Variants in LHCGR observed in about 807,000 individuals in gnomAD.
LHCGR encodes luteinizing hormone/choriogonadotropin receptor.
A neutral mutation model predicts 60.7 loss-of-function variants in LHCGR; 55 were observed. The observed-to-expected ratio is 0.91, with a 90% CI of 0.73 to 1.13. LHCGR has a LOEUF of 1.13. Among genes scored for constraint, LHCGR ranks in the 50% most tolerant of loss-of-function variants. The pLI is 0.00. For missense variants in LHCGR, 862 were observed against 836.0 expected (o/e 1.03, Z -0.38); for synonymous variants, 337 against 316.5 (o/e 1.06, Z -0.69).
intron 1 of LHCGR, among the ~76,000 whole-genome samples, chr2:48,752,615 C>G (rs1210384391): frequency 6.6e-6 from 1 of 151,782 alleles, no homozygotes; most frequent in Admixed American, 6.6e-5. Flanking sequence ...ATGCATTCAT[C>G]ATCAAGAAAA....
chr2:48,728,307 G>T (rs981970338), intron 3 of LHCGR, among the ~76,000 whole-genome samples: 1 of 152,072 alleles, frequency 6.6e-6, no homozygotes, highest in African/African-American at 2.4e-5. Flanking sequence ...TAGCTGTGAG[G>T]ATTAAATGAC....
chr2:48,728,544 A>G (rs4596023), intron 3 of LHCGR, among the ~76,000 whole-genome samples: 117,859 of 152,098 alleles, frequency 0.77, 46,032 homozygotes, highest in African/African-American at 0.88. Context: ...TGTCAGGCAA[A>G]TAGGTTAACC....
chr2:48,727,313 G>A (rs1286652358), intron 3 of LHCGR, among the ~76,000 whole-genome samples: 1 of 152,076 alleles, frequency 6.6e-6, no homozygotes, highest in African/African-American at 2.4e-5. Context: ...CCTGACCTTA[G>A]CCCAGTCATT....
At chr2:48,723,419 G>A (rs1668585575) in intron 6 of LHCGR, 37 bp downstream of exon 6, 1 of 1,394,954 alleles carries the variant, frequency 7.2e-7, no homozygotes, top group Non-Finnish European at 1.0e-6. Context: ...CTAGCAGGAG[G>A]CTGTATGGCA....
At chr2:48,744,505 C>A (rs1367410210) in intron 1 of LHCGR, among the ~76,000 whole-genome samples, 2 of 103,948 alleles carry the variant, frequency 1.9e-5, no homozygotes, top group Admixed American at 2.2e-4. Context: ...AGATATAGAT[C>A]AATGGAACAG....
At position 48,712,418 on chromosome 2, in the gene LHCGR, C is replaced by T. The variant is rs983460987; in HGVS notation, c.605+1568G>A. ...TAATGGAATGAGGCATCTGAGAGAA[C>T]TGTGCCAGGAGATGATATAAATGCC... On this transcript the variant is annotated intron_variant, in intron 7 of 10. Coordinates refer to ENST00000294954, the MANE Select transcript of LHCGR (RefSeq NM_000233.4). Among the ~76,000 whole-genome samples the T allele has an allele frequency of 9.2e-5, 14 of 152,200 alleles. No individual in the cohort carries two copies. The East Asian group carries it at 2.7e-3, about 29-fold the overall frequency.
intron 10 of LHCGR, among the ~76,000 whole-genome samples, chr2:48,691,119 T>C (rs79212904): frequency 0.037 from 5,626 of 152,328 alleles, 137 homozygotes; most frequent in Non-Finnish European, 0.056. Flanking sequence ...ATTACATATA[T>C]GTATTTATAA....
At chr2:48,744,916 A>C (rs939003620) in intron 1 of LHCGR, among the ~76,000 whole-genome samples, 17 of 152,126 alleles carry the variant, frequency 1.1e-4, no homozygotes, top group African/African-American at 3.6e-4. Flanking sequence ...GCAACCTACA[A>C]AATGGGAGAA....
chr2:48,738,039 C>G (rs898295211), intron 1 of LHCGR, among the ~76,000 whole-genome samples: 12 of 152,198 alleles, frequency 7.9e-5, no homozygotes, highest in African/African-American at 2.9e-4. Context: ...TTTGTCGATA[C>G]ACTCTACTAC....
rs117869114 is a variant in LHCGR, at chr2:48,700,556, C to T, written c.681-1756G>A. The stretch of plus-strand genomic sequence containing the variant: ...CTGTCATGCAGGAGTCTTGGGAACA[C>T]AGTGGGTTGGTTGTGTTTTGCACCT... On this transcript the variant is annotated intron_variant, in intron 8 of 10. Transcript: ENST00000294954. Among the ~76,000 whole-genome samples, 1,093 of 152,268 alleles carry T rather than the reference C, an allele frequency of 7.2e-3. 39 individuals are homozygous for T. The highest frequency in any genetic ancestry group is 0.057 in the Admixed American group (878 of 15,302).
chr2:48,729,349 A>G (rs1668884951), intron 2 of LHCGR, 122 bp from the exon 3 acceptor site: 3 of 785,612 alleles, frequency 3.8e-6, no homozygotes, highest in Non-Finnish European at 6.6e-6. Flanking sequence ...CCTGAAAAGA[A>G]CAAAGATGTG....
At chr2:48,694,374 T>A in intron 9 of LHCGR, 70 bp from the exon 10 acceptor site, 2 of 920,144 alleles carry the variant, frequency 2.2e-6, no homozygotes, top group South Asian at 2.8e-5. Context: ...TGTGCGTCTA[T>A]TTATGCTTTG....
At chr2:48,750,119 T>C (rs1572898576) in intron 1 of LHCGR, among the ~76,000 whole-genome samples, 1 of 152,264 alleles carries the variant, frequency 6.6e-6, no homozygotes, top group Non-Finnish European at 1.5e-5. Context: ...ACATAAACTT[T>C]CTTAATTCTG....
At chr2:48,694,798 G>A (rs946832075) in intron 9 of LHCGR, among the ~76,000 whole-genome samples, 1 of 152,068 alleles carries the variant, frequency 6.6e-6, no homozygotes, top group Non-Finnish European at 1.5e-5. Context: ...ACATACGTGG[G>A]TGCTCCCTAC....
intron 6 of LHCGR, among the ~76,000 whole-genome samples, chr2:48,718,738 A>G (rs1188693977): frequency 6.6e-6 from 1 of 152,184 alleles, no homozygotes; most frequent in Non-Finnish European, 1.5e-5. Flanking sequence ...TTCCTTACGT[A>G]TGAAGACACT....
At chr2:48,724,130 T>G (rs568942776) in intron 4 of LHCGR, among the ~76,000 whole-genome samples, 3 of 152,362 alleles carry the variant, frequency 2.0e-5, no homozygotes, top group South Asian at 2.1e-4. Context: ...AAATTAATCT[T>G]TTATGATAAA....
chr2:48,733,300 C>G (rs1381131899), intron 1 of LHCGR, among the ~76,000 whole-genome samples: 1 of 152,162 alleles, frequency 6.6e-6, no homozygotes, highest in Non-Finnish European at 1.5e-5. Context: ...GCAGCCTCCT[C>G]CTCCAAATGG....
intron 1 of LHCGR, among the ~76,000 whole-genome samples, chr2:48,744,994 T>A (rs1269123220): frequency 6.6e-6 from 1 of 151,720 alleles, no homozygotes; most frequent in Non-Finnish European, 1.5e-5. Flanking sequence ...CAAACAAATT[T>A]ACAAGAAAAA....
chr2:48,752,529 CTTT>C (rs11327396), intron 1 of LHCGR, among the ~76,000 whole-genome samples: 3 of 144,348 alleles, frequency 2.1e-5, no homozygotes, highest in African/African-American at 2.6e-5. Context: ...TTTAAGCTTT[CTTT>C]TTTTTTTTTT....
Sources: gnomAD v4.1 joint callset for allele counts (sites outside exome capture counted in the v4.1 genomes callset) on GRCh38, gnomAD v4.1.1 for gene constraint, MANE v1.5 for transcripts, NCBI Gene and HGNC (gene_info 2026-07-23, HGNC 2026-07-21) for gene names.